The following KAZN variants were observed in gnomAD, a reference collection of about 807,000 sequenced individuals.
KAZN encodes the protein kazrin, periplakin interacting protein, also known as kazrin.
Under a neutral mutation model 87.4 loss-of-function variants are expected in KAZN, and 40 were observed. The observed-to-expected ratio is 0.46, with a 90% CI of 0.36 to 0.60. The LOEUF (loss-of-function observed/expected upper bound fraction) is 0.60. Among genes scored for constraint, KAZN ranks in the 20% least tolerant of loss-of-function variants. The probability of loss-of-function intolerance (pLI) is 0.00; values close to 1 mark genes in which losing one functional copy is unlikely to be tolerated. For synonymous variants in KAZN, 466 were observed against 458.3 expected (o/e 1.02, Z -0.22); for missense variants, 898 against 1,073.9 (o/e 0.84, Z 2.29).
Position 14,382,616 on chromosome 1 carries a change from A to G in KAZN, c.249+202024A>G, listed in dbSNP as rs1284879761. Among the ~76,000 whole-genome samples, 6 of 147,822 alleles carry G rather than the reference A, an allele frequency of 4.1e-5. No homozygotes were observed. The East Asian group carries it at 8.3e-4, about 20-fold the overall frequency. On this transcript the variant is annotated intron_variant, in intron 2 of 16. Coordinates refer to the KAZN transcript ENST00000636203. ...AGTTTACTGAGAATGATGATTTCCA[A>G]TTTCATCCATGTCCCTACAAAGGAC...
At chr1:14,327,982 T>C (rs1318478150) in intron 2 of KAZN, among the ~76,000 whole-genome samples, 4 of 152,228 alleles carry the variant, frequency 2.6e-5, no homozygotes, top group African/African-American at 9.6e-5. Flanking sequence ...TCTAAGCCTA[T>C]GGATCACTTG....
intron 2 of KAZN, among the ~76,000 whole-genome samples, chr1:14,366,962 TG>T (rs1660053394): frequency 6.6e-6 from 1 of 152,240 alleles, no homozygotes; most frequent in Non-Finnish European, 1.5e-5. Context: ...CCGGGCACAG[TG>T]GCTCATGCCT....
chr1:15,062,566 C>T (rs978221200), intron 6 of KAZN: 1 of 152,548 alleles, frequency 6.6e-6, no homozygotes, highest in Non-Finnish European at 1.5e-5. Flanking sequence ...CTCATCCTCT[C>T]ACACTCTGGC....
chr1:14,398,652 G>T (rs186222049), intron 2 of KAZN, among the ~76,000 whole-genome samples: 1 of 152,184 alleles, frequency 6.6e-6, no homozygotes, highest in Non-Finnish European at 1.5e-5. Context: ...AAGAGGAAAC[G>T]TAATCAAGAC....
intron 1 of KAZN, among the ~76,000 whole-genome samples, chr1:13,982,240 G>A (rs1638759826): frequency 6.6e-6 from 1 of 152,154 alleles, no homozygotes; most frequent in Admixed American, 6.5e-5. Flanking sequence ...CCCACCTCAA[G>A]GTGTGTCCGG....
intron 1 of KAZN, among the ~76,000 whole-genome samples, chr1:13,962,049 G>C (rs566621720): frequency 6.6e-6 from 1 of 152,274 alleles, no homozygotes; most frequent in Admixed American, 6.5e-5. Context: ...GCTTCTTGCT[G>C]GCTGGAGCGT....
intron 1 of KAZN, among the ~76,000 whole-genome samples, chr1:14,614,776 C>G (rs74057895): frequency 6.6e-6 from 1 of 152,192 alleles, no homozygotes; most frequent in South Asian, 2.1e-4. Flanking sequence ...AAGGGCCTCC[C>G]GGGTTTTTGT....
At chr1:15,031,420 G>A (rs1671684581) in intron 2 of KAZN, among the ~76,000 whole-genome samples, 1 of 152,198 alleles carries the variant, frequency 6.6e-6, no homozygotes, top group East Asian at 1.9e-4. Context: ...TAGGGGTCTG[G>A]GCAAAGGCCG....
At chr1:14,469,288 T>C (rs1361396) in intron 2 of KAZN, among the ~76,000 whole-genome samples, 49,548 of 152,090 alleles carry the variant, frequency 0.33, 8,268 homozygotes, top group East Asian at 0.41. Context: ...ATTGACATTA[T>C]TTAGCCAGTA....
At chr1:14,942,473 C>G (rs527564771) in intron 1 of KAZN, among the ~76,000 whole-genome samples, 1 of 152,228 alleles carries the variant, frequency 6.6e-6, no homozygotes. Flanking sequence ...AACGTTAACA[C>G]GCAGTGTTTC....
chr1:14,359,905 T>C (rs1659359218), intron 2 of KAZN, among the ~76,000 whole-genome samples: 1 of 152,172 alleles, frequency 6.6e-6, no homozygotes. Flanking sequence ...AATCTGATGA[T>C]TATATGTCTT....
At chr1:14,685,839 T>C (rs985556119) in intron 1 of KAZN, among the ~76,000 whole-genome samples, 1 of 152,178 alleles carries the variant, frequency 6.6e-6, no homozygotes, top group African/African-American at 2.4e-5. Flanking sequence ...TCATAGATGA[T>C]AAATTACAGC....
chr1:14,183,874 G>C (rs1385867569), intron 2 of KAZN, among the ~76,000 whole-genome samples: 1 of 151,722 alleles, frequency 6.6e-6, no homozygotes, highest in East Asian at 2.0e-4. Flanking sequence ...ATGGAACAAA[G>C]GGTGGCTGAG....
At chr1:14,868,593 C>T (rs986983620) in intron 1 of KAZN, among the ~76,000 whole-genome samples, 3 of 151,664 alleles carry the variant, frequency 2.0e-5, no homozygotes, top group African/African-American at 4.8e-5. Context: ...GTCTTGTAGA[C>T]CCAGAACATC....
intron 2 of KAZN, among the ~76,000 whole-genome samples, chr1:14,339,945 A>G (rs1290178528): frequency 6.6e-6 from 1 of 152,182 alleles, no homozygotes; most frequent in Non-Finnish European, 1.5e-5. Context: ...TTTGCTACCT[A>G]TCGTCTTACC....
intron 1 of KAZN, among the ~76,000 whole-genome samples, chr1:13,982,339 G>C (rs546178766): frequency 6.6e-6 from 1 of 152,310 alleles, no homozygotes; most frequent in African/African-American, 2.4e-5. Flanking sequence ...AGCGCGTCTG[G>C]AGTTTGTTCC....
At chr1:14,731,158 G>C (rs1026241441) in intron 1 of KAZN, among the ~76,000 whole-genome samples, 12 of 143,716 alleles carry the variant, frequency 8.3e-5, no homozygotes, top group African/African-American at 3.1e-4. Flanking sequence ...ATACCATCAT[G>C]AGCAAATGGA....
intron 2 of KAZN, among the ~76,000 whole-genome samples, chr1:14,262,296 G>T (rs1651094430): frequency 6.6e-6 from 1 of 152,028 alleles, no homozygotes; most frequent in Admixed American, 6.6e-5. Flanking sequence ...CATATAAGTG[G>T]TACATAGCTA....
intron 2 of KAZN, among the ~76,000 whole-genome samples, chr1:14,314,001 G>T (rs1466986196): frequency 6.6e-6 from 1 of 152,120 alleles, no homozygotes; most frequent in African/African-American, 2.4e-5. Context: ...CAAATTACTG[G>T]TAAGTGGGTG....
Sources: allele counts gnomAD v4.1 joint callset (sites outside exome capture counted in the v4.1 genomes callset), GRCh38; gene constraint gnomAD v4.1.1; transcripts MANE v1.5; gene names NCBI Gene and HGNC (gene_info 2026-07-23, HGNC 2026-07-21).